Variants in TRPC7 observed in about 807,000 individuals in gnomAD.
TRPC7 encodes the protein short transient receptor potential channel 7.
TRPC7 carries 42 observed loss-of-function variants against 90.1 expected under a neutral mutation model. The observed-to-expected ratio is 0.47, with a 90% CI of 0.36 to 0.60. The LOEUF (loss-of-function observed/expected upper bound fraction) is 0.60, where lower values mean the gene tolerates loss of function less well. Ranked by LOEUF, TRPC7 falls within the 20% of genes least tolerant of loss-of-function variation. The pLI is 0.00. For missense variants in TRPC7, 955 were observed against 1,112.3 expected (o/e 0.86, Z 2.01); for synonymous variants, 451 against 436.3 (o/e 1.03, Z -0.42).
chr5:136,296,423 C>G (rs1055852196), intron 3 of TRPC7, among the ~76,000 whole-genome samples: 1 of 151,714 alleles, frequency 6.6e-6, no homozygotes, highest in Non-Finnish European at 1.5e-5. Context: ...CTCAGTAGCC[C>G]CACTCTCAGA....
At chr5:136,335,913 A>T (rs1759648317) in intron 2 of TRPC7, among the ~76,000 whole-genome samples, 1 of 149,550 alleles carries the variant, frequency 6.7e-6, no homozygotes. Flanking sequence ...CAAAAAAAAA[A>T]AAAAAAAAAA....
Position 136,231,419 on chromosome 5 carries a change from T to G in TRPC7, c.1975A>C (p.Thr659Pro). The G allele has an allele frequency of 6.2e-7, 1 of 1,612,948 alleles. No individual in the cohort carries two copies. The highest frequency in any genetic ancestry group is 8.5e-7 in the Non-Finnish European group (1 of 1,179,176). ...ATGTTGAGCAACACTACCACCATGGTGACGTTATAAACGCCGTAGAGAACG... is the reference window on the plus strand; with the variant it reads ...ATGTTGAGCAACACTACCACCATGGGGACGTTATAAACGCCGTAGAGAACG... ...GYVLYGVYNV[T>P]MVVVLLNMLI... The change falls in exon 8 of 12, where the codon ACC becomes CCC. Residue 659 changes from threonine (T) to proline (P), a missense_variant. Thr to Pro is a conservative substitution (Grantham distance 38, BLOSUM62 -1). This residue lies in a region of TRPC7 where 296 missense variants were observed against 422.7 expected (regional missense o/e 0.70). Transcript: ENST00000513104.
chr5:136,314,822 A>G (rs756922935), intron 3 of TRPC7, among the ~76,000 whole-genome samples: 1 of 152,382 alleles, frequency 6.6e-6, no homozygotes, highest in African/African-American at 2.4e-5. Flanking sequence ...TGGAAAGCAC[A>G]TTGATATTTA....
chr5:136,234,597 C>G (rs1216336514), intron 7 of TRPC7, among the ~76,000 whole-genome samples: 1 of 152,300 alleles, frequency 6.6e-6, no homozygotes, highest in South Asian at 2.1e-4. Context: ...CATTAGCCAC[C>G]GCGCCTGGCC....
intron 2 of TRPC7, among the ~76,000 whole-genome samples, chr5:136,319,439 A>T (rs1759124589): frequency 6.6e-6 from 1 of 152,078 alleles, no homozygotes; most frequent in African/African-American, 2.4e-5. Context: ...CTTGCTCATC[A>T]TACAAACATG....
intron 10 of TRPC7, among the ~76,000 whole-genome samples, chr5:136,219,002 A>G (rs1322521482): frequency 1.3e-5 from 2 of 152,242 alleles, no homozygotes; most frequent in African/African-American, 4.8e-5. Context: ...CTGAGACTTC[A>G]TCTGAGCATC....
In TRPC7 at chr5:136,221,379, A is replaced by G. The variant is rs148625926; in HGVS notation, c.2343+3895T>C. Among the ~76,000 whole-genome samples the G allele has an allele frequency of 5.0e-3, 757 of 152,342 alleles. 9 individuals are homozygous for G. The highest frequency in any genetic ancestry group is 0.017 in the African/African-American group (715 of 41,586). ...AAGAGCAGTTGTCACGCAGAGCCCT[A>G]CATCCGGAGAGGAAGGCACACAGTT... On this transcript the variant is annotated intron_variant, in intron 10 of 11. Coordinates refer to ENST00000513104, the MANE Select transcript of TRPC7 (RefSeq NM_020389.3).
intron 10 of TRPC7, among the ~76,000 whole-genome samples, chr5:136,220,950 T>C (rs936201313): frequency 7.2e-5 from 11 of 152,136 alleles, no homozygotes; most frequent in South Asian, 6.2e-4. Context: ...AGAACCTACA[T>C]TGAAATACTG....
chr5:136,344,285 G>C (rs949646659), intron 2 of TRPC7, among the ~76,000 whole-genome samples: 1 of 152,170 alleles, frequency 6.6e-6, no homozygotes, highest in African/African-American at 2.4e-5. Context: ...ATGAAGGCTG[G>C]AAGAGGGTGA....
chr5:136,337,025 C>G (rs1448357628), intron 2 of TRPC7, among the ~76,000 whole-genome samples: 2 of 152,150 alleles, frequency 1.3e-5, no homozygotes, highest in Admixed American at 1.3e-4. Flanking sequence ...TCTGGAGGCT[C>G]ACCTATTAAG....
Position 136,255,989 on chromosome 5 carries a change from C to G in TRPC7, c.1346-4107G>C, listed in dbSNP as rs369453240. Among the ~76,000 whole-genome samples the G allele has an allele frequency of 1.6e-4, 24 of 152,142 alleles. No individual in the cohort carries two copies. In the East Asian group the frequency reaches 2.5e-3, roughly 16 times the overall value. ...CATTTTATGTCATCAAAGAGTCTTA[C>G]GACTACTCAGACCTGGGAGAGCTTT... is the stretch of plus-strand genomic sequence containing the variant. On this transcript the variant is annotated intron_variant, in intron 5 of 11. Coordinates refer to ENST00000513104, the MANE Select transcript of TRPC7 (RefSeq NM_020389.3).
At chr5:136,253,554 C>A (rs1263833505) in intron 5 of TRPC7, among the ~76,000 whole-genome samples, 1 of 152,030 alleles carries the variant, frequency 6.6e-6, no homozygotes. Flanking sequence ...GACCAGTGGT[C>A]TTTGTGATCT....
chr5:136,247,428 G>C lies in TRPC7; in HGVS notation c.1844+43C>G. On this transcript the variant is annotated intron_variant, in intron 7 of 11. Transcript: ENST00000513104. The surrounding 1 kb of genome is among the most constrained non-coding windows in gnomAD (Gnocchi z 4.2). ...TCAGGAGACTCCCAAGGATTCCCAG[G>C]AAGCCCAGGGAGAACCTCAGGGGAA... The C allele has an allele frequency of 6.4e-7, 1 of 1,559,652 alleles. No individual in the cohort carries two copies. Among genetic ancestry groups the C allele is most frequent in the Non-Finnish European group, 8.7e-7 (1 of 1,151,936 alleles).
chr5:136,322,449 G>T (rs932803145), intron 2 of TRPC7, among the ~76,000 whole-genome samples: 25 of 152,180 alleles, frequency 1.6e-4, no homozygotes, highest in African/African-American at 5.6e-4. Flanking sequence ...TTTCTGGAAA[G>T]GTTCTACCAT....
intron 3 of TRPC7, among the ~76,000 whole-genome samples, chr5:136,296,283 G>A (rs1282818642): frequency 6.6e-6 from 1 of 152,156 alleles, no homozygotes; most frequent in Non-Finnish European, 1.5e-5. Context: ...ATAATACTCA[G>A]TGCTTGCAAA....
intron 2 of TRPC7, among the ~76,000 whole-genome samples, chr5:136,342,954 T>C (rs960752516): frequency 6.6e-6 from 1 of 152,048 alleles, no homozygotes; most frequent in Non-Finnish European, 1.5e-5. Context: ...AACAGAAACA[T>C]GTATTTGGGA....
intron 3 of TRPC7, among the ~76,000 whole-genome samples, chr5:136,283,080 C>G (rs572276932): frequency 2.5e-4 from 38 of 152,352 alleles, no homozygotes; most frequent in Middle Eastern, 3.4e-3. Flanking sequence ...GAATGAGCCC[C>G]AGGCAGGGCC....
At chr5:136,239,896 G>A (rs1198794068) in intron 7 of TRPC7, among the ~76,000 whole-genome samples, 1 of 152,078 alleles carries the variant, frequency 6.6e-6, no homozygotes, top group Non-Finnish European at 1.5e-5. Flanking sequence ...TGAGGGGAGG[G>A]ACCACATCTG....
Position 136,290,539 on chromosome 5 carries a change from C to T in TRPC7, c.964-15702G>A, listed in dbSNP as rs865837497. On this transcript the variant is annotated intron_variant, in intron 3 of 11. Coordinates refer to ENST00000513104, the MANE Select transcript of TRPC7 (RefSeq NM_020389.3). ...TGTGATCAACTGGAAGAAAGGGTAT[C>T]AGCGATGGAAGACAAAATGAATGAA... is the stretch of plus-strand genomic sequence containing the variant. Among the ~76,000 whole-genome samples the T allele has an allele frequency of 2.0e-4, 31 of 152,222 alleles. No homozygotes were observed. The Middle Eastern group carries it at 0.014, about 67-fold the overall frequency.
Sources: gnomAD v4.1 joint callset for allele counts (sites outside exome capture counted in the v4.1 genomes callset) on GRCh38, gnomAD v4.1.1 for gene constraint, gnomAD v4.1.1 regional missense constraint, Gnocchi (gnomAD v3.1) non-coding constraint, MANE v1.5 for transcripts, NCBI Gene and HGNC (gene_info 2026-07-23, HGNC 2026-07-21) for gene names.